TTC29: variants seen among roughly 807,000 people sequenced by gnomAD.
The protein encoded by TTC29 is tetratricopeptide repeat protein 29.
In TTC29, 49 loss-of-function variants were observed where a neutral mutation model predicts 58.1. The ratio of observed to expected loss-of-function variants is 0.84; its 90% CI spans 0.67 to 1.07. TTC29 has a LOEUF of 1.07. Ranked by LOEUF, TTC29 falls within the 50% of genes least tolerant of loss-of-function variation. The pLI, the probability that TTC29 is intolerant of heterozygous loss-of-function variation, is 0.00. For missense variants in TTC29, 582 were observed against 555.6 expected, an observed-to-expected ratio of 1.05 and a Z score of -0.48; for synonymous variants, 209 against 196.8, an observed-to-expected ratio of 1.06 and a Z score of -0.52.
chr4:146,926,105 T>C (rs1354032667), intron 4 of TTC29, among the ~76,000 whole-genome samples: 1 of 152,204 alleles, frequency 6.6e-6, no homozygotes, highest in Admixed American at 6.5e-5. Context: ...TACTATCTTG[T>C]TTGAAAGAAA....
intron 10 of TTC29, 26 bp downstream of exon 10, chr4:146,820,099 T>G (rs1356593157): frequency 6.2e-7 from 1 of 1,609,296 alleles, no homozygotes; most frequent in Admixed American, 1.7e-5. Context: ...CAAATTTCTC[T>G]ATAAACAAGA....
At chr4:146,917,567 T>C (rs1465233686) in intron 4 of TTC29, among the ~76,000 whole-genome samples, 2 of 145,326 alleles carry the variant, frequency 1.4e-5, no homozygotes, top group Non-Finnish European at 3.0e-5. Flanking sequence ...ATATGTAATT[T>C]TTATAAAATG....
At chr4:146,944,726 T>C (rs1736761301) in intron 2 of TTC29, among the ~76,000 whole-genome samples, 1 of 152,182 alleles carries the variant, frequency 6.6e-6, no homozygotes, top group Admixed American at 6.5e-5. Context: ...TTCATAAGAA[T>C]TAAAACTTTT....
chr4:146,869,839 TAAG>T (rs1730813888), intron 7 of TTC29, among the ~76,000 whole-genome samples: 1 of 151,926 alleles, frequency 6.6e-6, no homozygotes, highest in South Asian at 2.1e-4. Context: ...GAAACAAAGT[TAAG>T]ATAAAATGAA....
intron 11 of TTC29, among the ~76,000 whole-genome samples, chr4:146,728,779 ATATG>A (rs1466716613): frequency 8.3e-6 from 1 of 121,156 alleles, no homozygotes; most frequent in Non-Finnish European, 1.7e-5. Flanking sequence ...ATACACATAT[ATATG>A]TGTATATATA....
chr4:146,901,716 G>T (rs1049455793), intron 6 of TTC29, among the ~76,000 whole-genome samples: 3 of 152,126 alleles, frequency 2.0e-5, no homozygotes, highest in Non-Finnish European at 4.4e-5. Context: ...TTTCATTGCT[G>T]TCTCACCTTA....
chr4:146,811,341 C>A (rs1015783050), intron 10 of TTC29, among the ~76,000 whole-genome samples: 2 of 152,160 alleles, frequency 1.3e-5, no homozygotes, highest in Non-Finnish European at 2.9e-5. Context: ...GAGAAAAGAG[C>A]ATCTTCTGCC....
chr4:146,916,053 A>C (rs1472302002), intron 4 of TTC29, among the ~76,000 whole-genome samples: 1 of 151,906 alleles, frequency 6.6e-6, no homozygotes, highest in African/African-American at 2.4e-5. Context: ...TGTTACTGGA[A>C]TCACCTACGG....
At chr4:146,901,151 CTT>C (rs1311632362) in intron 6 of TTC29, among the ~76,000 whole-genome samples, 1 of 152,060 alleles carries the variant, frequency 6.6e-6, no homozygotes, top group Non-Finnish European at 1.5e-5. Context: ...TAAGGAAGAA[CTT>C]AACCCTTTTG....
At chr4:146,900,912 T>C (rs1338634213) in intron 6 of TTC29, among the ~76,000 whole-genome samples, 1 of 152,044 alleles carries the variant, frequency 6.6e-6, no homozygotes, top group Non-Finnish European at 1.5e-5. Context: ...TACAGAAAAA[T>C]TCAAAATACA....
At chr4:146,800,095 G>A (rs977649700) in intron 11 of TTC29, among the ~76,000 whole-genome samples, 4 of 152,104 alleles carry the variant, frequency 2.6e-5, no homozygotes, top group African/African-American at 7.2e-5. Context: ...CCTAAGTTTG[G>A]GAGGATAATC....
intron 4 of TTC29, among the ~76,000 whole-genome samples, chr4:146,935,373 T>C (rs970286144): frequency 6.6e-6 from 1 of 152,204 alleles, no homozygotes; most frequent in Non-Finnish European, 1.5e-5. Flanking sequence ...TCGATCACCA[T>C]CTTAAAGACA....
At chr4:146,794,239 T>C (rs1396760517) in intron 11 of TTC29, among the ~76,000 whole-genome samples, 1 of 152,170 alleles carries the variant, frequency 6.6e-6, no homozygotes, top group Non-Finnish European at 1.5e-5. Context: ...TGGCCATCTA[T>C]ATTTTTAGGG....
chr4:146,884,195 C>T (rs1220302202), intron 6 of TTC29, among the ~76,000 whole-genome samples: 1 of 152,056 alleles, frequency 6.6e-6, no homozygotes, highest in Non-Finnish European at 1.5e-5. Flanking sequence ...AATGCTAATC[C>T]ACTTCTTTAA....
intron 8 of TTC29, among the ~76,000 whole-genome samples, chr4:146,838,530 T>C (rs1383790925): frequency 2.6e-5 from 4 of 151,938 alleles, no homozygotes; most frequent in Non-Finnish European, 4.4e-5. Context: ...AGGAGACACA[T>C]AGGAAGACAT....
chr4:146,856,619 G>A (rs1729872007), intron 8 of TTC29, among the ~76,000 whole-genome samples: 1 of 150,816 alleles, frequency 6.6e-6, no homozygotes, highest in African/African-American at 2.4e-5. Context: ...TAATTTATAT[G>A]ACAAATACTA....
Position 146,909,257 on chromosome 4 carries a change from T to C in TTC29, c.177-8A>G. Reference sequence around the variant, plus strand: ...TTGTAGGAGTTCCTATAACTGGAAATATGAATCAGAACACTCTCAGGTTTA... The same window carrying C: ...TTGTAGGAGTTCCTATAACTGGAAACATGAATCAGAACACTCTCAGGTTTA... On this transcript the variant is annotated splice_polypyrimidine_tract_variant and splice_region_variant and intron_variant, in intron 4 of 12. Coordinates refer to ENST00000325106, the MANE Select transcript of TTC29 (RefSeq NM_031956.4). 2 of 1,592,510 alleles carry C rather than the reference T, an allele frequency of 1.3e-6. No homozygotes were observed. The highest frequency in any genetic ancestry group is 1.7e-6 in the Non-Finnish European group (2 of 1,164,742).
chr4:146,889,367 TTAAAA>T (rs1264438393), intron 6 of TTC29, among the ~76,000 whole-genome samples: 1 of 152,114 alleles, frequency 6.6e-6, no homozygotes, highest in African/African-American at 2.4e-5. Flanking sequence ...AAAATAATAC[TTAAAA>T]TAATTTTTAA....
intron 8 of TTC29, among the ~76,000 whole-genome samples, chr4:146,845,247 G>A (rs1025642754): frequency 2.0e-5 from 3 of 152,044 alleles, no homozygotes; most frequent in Non-Finnish European, 4.4e-5. Context: ...CGGTAAATAG[G>A]CCTTTTCCTT....
Sources: allele counts gnomAD v4.1 joint callset (sites outside exome capture counted in the v4.1 genomes callset), GRCh38; gene constraint gnomAD v4.1.1; transcripts MANE v1.5; gene names NCBI Gene and HGNC (gene_info 2026-07-23, HGNC 2026-07-21).